The following SND1 variants were observed in gnomAD, a reference collection of about 807,000 sequenced individuals.
SND1 encodes the protein staphylococcal nuclease and tudor domain containing 1, also known as staphylococcal nuclease domain-containing protein 1.
Under a neutral mutation model 121.7 loss-of-function variants are expected in SND1, and 38 were observed. The ratio of observed to expected loss-of-function variants is 0.31; its 90% CI spans 0.24 to 0.41. The LOEUF (loss-of-function observed/expected upper bound fraction) is 0.41, where lower values mean the gene tolerates loss of function less well. Ranked by LOEUF, SND1 falls within the 10% of genes least tolerant of loss-of-function variation. SND1 has a pLI of 1.00. For missense variants in SND1, 868 were observed against 1,184.6 expected, an observed-to-expected ratio of 0.73 and a Z score of 3.92; for synonymous variants, 401 against 447.4, an observed-to-expected ratio of 0.90 and a Z score of 1.31.
intron 11 of SND1, among the ~76,000 whole-genome samples, chr7:127,817,889 A>T (rs1798476773): frequency 6.6e-6 from 1 of 151,848 alleles, no homozygotes; most frequent in African/African-American, 2.4e-5. Flanking sequence ...TATAGGGCAA[A>T]GAGCCTCTCT....
intron 12 of SND1, chr7:127,858,209 C>G: frequency 1.3e-6 from 1 of 786,466 alleles, no homozygotes; most frequent in Non-Finnish European, 2.3e-6. Flanking sequence ...CAACTGTTCC[C>G]TCGTTTCCTG....
intron 15 of SND1, among the ~76,000 whole-genome samples, chr7:127,945,482 C>A (rs1290631919): frequency 3.3e-5 from 5 of 151,712 alleles, no homozygotes; most frequent in Non-Finnish European, 5.9e-5. Flanking sequence ...CAGAGCGAGA[C>A]TCCATCTCAA....
intron 11 of SND1, among the ~76,000 whole-genome samples, chr7:127,831,956 C>T (rs6969880): frequency 0.6 from 90,575 of 151,936 alleles, 27,399 homozygotes; most frequent in East Asian, 0.87. Context: ...CCTCTGGATT[C>T]TGTTCCATGT....
chr7:127,670,555 A>C (rs1460705940), intron 1 of SND1, among the ~76,000 whole-genome samples: 2 of 152,246 alleles, frequency 1.3e-5, no homozygotes, highest in Non-Finnish European at 2.9e-5. Context: ...TCTTATAGAA[A>C]GTTCTCAGTT....
intron 1 of SND1, among the ~76,000 whole-genome samples, chr7:127,668,147 G>C (rs368371834): frequency 6.6e-6 from 1 of 152,184 alleles, no homozygotes; most frequent in East Asian, 1.9e-4. Context: ...TAGACCCTCA[G>C]ACCCTACCCC....
chr7:127,778,315 C>G (rs1210238203), intron 10 of SND1, among the ~76,000 whole-genome samples: 2 of 152,080 alleles, frequency 1.3e-5, no homozygotes, highest in African/African-American at 2.4e-5. Flanking sequence ...TGGCCTCAGC[C>G]TCCCAAGTAG....
chr7:128,068,369 C>T (rs1160939163), intron 16 of SND1, among the ~76,000 whole-genome samples: 2 of 152,042 alleles, frequency 1.3e-5, no homozygotes, highest in African/African-American at 2.4e-5. Context: ...TCATCCATTG[C>T]CTGGCTTTCA....
intron 16 of SND1, chr7:128,028,544 A>G (rs1803547289): frequency 1.2e-6 from 1 of 803,078 alleles, no homozygotes; most frequent in Non-Finnish European, 1.9e-6. Context: ...ATTTTAATAT[A>G]ATCTGTTTTT....
chr7:127,665,090 G>T (rs1209146990), intron 1 of SND1, among the ~76,000 whole-genome samples: 1 of 152,032 alleles, frequency 6.6e-6, no homozygotes, highest in Non-Finnish European at 1.5e-5. Context: ...CCTGGTATTG[G>T]TTTACCCAAA....
At chr7:127,929,428 C>T (rs1800915739) in intron 15 of SND1, 99 bp downstream of exon 15, 25 of 1,172,300 alleles carry the variant, frequency 2.1e-5, no homozygotes, top group Non-Finnish European at 3.1e-5. Context: ...CCCTAGAGCC[C>T]ACCAGCATGC....
intron 15 of SND1, among the ~76,000 whole-genome samples, chr7:127,967,382 C>G (rs1214532221): frequency 1.3e-5 from 2 of 152,162 alleles, no homozygotes; most frequent in African/African-American, 4.8e-5. Flanking sequence ...GCTGAAATCA[C>G]GATGGAGCAA....
At chr7:128,038,288 A>G (rs1456063260) in intron 16 of SND1, among the ~76,000 whole-genome samples, 1 of 152,222 alleles carries the variant, frequency 6.6e-6, no homozygotes, top group Non-Finnish European at 1.5e-5. Flanking sequence ...GCTAGTGGGC[A>G]TTATGGTGTA....
intron 1 of SND1, among the ~76,000 whole-genome samples, chr7:127,673,437 G>A (rs1795560906): frequency 6.6e-6 from 1 of 151,978 alleles, no homozygotes; most frequent in South Asian, 2.1e-4. Flanking sequence ...TTAGCCTCTC[G>A]AGTAGCTGGG....
chr7:127,653,179 T>G (rs932507616), intron 1 of SND1, among the ~76,000 whole-genome samples: 4 of 152,200 alleles, frequency 2.6e-5, no homozygotes, highest in Non-Finnish European at 4.4e-5. Context: ...GCACTATAGA[T>G]TCTGCCTGAT....
intron 14 of SND1, among the ~76,000 whole-genome samples, chr7:127,911,379 A>G (rs1001126045): frequency 1.3e-5 from 2 of 151,988 alleles, no homozygotes; most frequent in Admixed American, 1.3e-4. Flanking sequence ...TTAATTTTTT[A>G]TTTCAAAAAA....
chr7:128,085,871 C>A lies in SND1; in HGVS notation c.2304+91C>A. 2 of 1,115,476 alleles carry A rather than the reference C, an allele frequency of 1.8e-6. No individual in the cohort carries two copies. The highest frequency in any genetic ancestry group is 2.7e-6 in the Non-Finnish European group (2 of 736,500). 69.1% of individuals were successfully genotyped at this position (1,115,476 alleles called of 1,614,324 possible). A position where few individuals can be genotyped will look rare whatever the true frequency, so the allele number is the denominator to read the frequency against. ...CTGATCTCTCCAAGGTCCCTCTGAG[C>A]TTACCAATAGAACAATGAGCATTGG... On this transcript the variant is annotated intron_variant, in intron 20 of 23. Transcript: ENST00000354725. This position sits in a 1 kb window ranked among gnomAD's most constrained non-coding sequence, Gnocchi z 4.4.
chr7:127,771,634 A>G (rs1333372512), intron 10 of SND1, among the ~76,000 whole-genome samples: 1 of 152,016 alleles, frequency 6.6e-6, no homozygotes, highest in African/African-American at 2.4e-5. Context: ...CTTAAAAAGC[A>G]CCCCCCTATA....
At chr7:128,030,956 T>C (rs1792572888) in intron 16 of SND1, 2 of 232,604 alleles carry the variant, frequency 8.6e-6, no homozygotes, top group Admixed American at 5.5e-5. Flanking sequence ...GTCCTTAAGC[T>C]TTCTCCACGG....
At chr7:127,774,299 T>G (rs994298876) in intron 10 of SND1, among the ~76,000 whole-genome samples, 27 of 152,302 alleles carry the variant, frequency 1.8e-4, no homozygotes, top group Middle Eastern at 3.4e-3. Flanking sequence ...ACAAAAAACT[T>G]TAAGACAATA....
Sources: gnomAD v4.1 joint callset for allele counts (sites outside exome capture counted in the v4.1 genomes callset) on GRCh38, gnomAD v4.1.1 for gene constraint, Gnocchi (gnomAD v3.1) non-coding constraint, MANE v1.5 for transcripts, NCBI Gene and HGNC (gene_info 2026-07-23, HGNC 2026-07-21) for gene names.